Variants in KRT9 observed in about 807,000 individuals in gnomAD.
KRT9 encodes keratin 9, also known as keratin, type I cytoskeletal 9.
KRT9 carries 34 observed loss-of-function variants against 51.4 expected under a neutral mutation model. That is an observed-to-expected ratio of 0.66 (90% CI 0.50 to 0.88). KRT9 has a LOEUF of 0.88. KRT9 is among the 40% of genes least tolerant of loss of function. The pLI is 0.00. For missense variants in KRT9, 753 were observed against 790.3 expected (o/e 0.95, Z 0.57); for synonymous variants, 292 against 289.7 (o/e 1.01, Z -0.08).
rs1906996141 is a variant in KRT9 at position 41,569,451 on chromosome 17, T to C, written c.1019A>G (p.Asp340Gly). 1 of 1,613,998 alleles carries C rather than the reference T, an allele frequency of 6.2e-7. No homozygotes were observed. Among genetic ancestry groups the C allele is most frequent in the Non-Finnish European group, 8.5e-7 (1 of 1,180,024 alleles). Residue 340 changes from aspartate (D) to glycine (G), a missense_variant, in exon 4 of 8, where the codon GAC becomes GGC. Physicochemically the swap from Asp to Gly is moderately conservative, Grantham distance 94. Transcript: ENST00000246662. ...YEQLIAKNRKDIENQYETQIT... is the reference protein window; with the variant it reads ...YEQLIAKNRKGIENQYETQIT... ...CTGAGTCTCATATTGATTCTCGATG[T>C]CCTTTCTGTTCTTAGCAATGAGCTG...
At chr17:41,569,356 G>C in intron 4 of KRT9, 70 bp downstream of exon 4, 1 of 1,445,904 alleles carries the variant, frequency 6.9e-7, no homozygotes, top group African/African-American at 1.4e-5. Flanking sequence ...TGAAGGAATG[G>C]GAGGTGGGAG....
Position 41,571,685 on chromosome 17 carries a change from C to T in KRT9, c.308G>A (p.Gly103Glu), listed in dbSNP as rs1567733322. 1 of 1,606,056 alleles carries T rather than the reference C, an allele frequency of 6.2e-7. No homozygotes were observed. Among genetic ancestry groups the T allele is most frequent in the East Asian group, 2.3e-5 (1 of 44,072 alleles). ...GSRGFGGASG[G>E]GYSSSGGFGG... ...AAAACCCCCAGAACTACTATAGCCTCCTCCAGAAGCACCACCAAAACCTCT... is the reference window on the plus strand; with the variant it reads ...AAAACCCCCAGAACTACTATAGCCTTCTCCAGAAGCACCACCAAAACCTCT... The change falls in exon 1 of 8, where the codon GGA becomes GAA. Residue 103 changes from glycine to glutamate, a missense_variant. Coordinates refer to ENST00000246662, the MANE Select transcript of KRT9 (RefSeq NM_000226.4).
chr17:41,569,359 G>A, intron 4 of KRT9, 67 bp downstream of exon 4: 1 of 1,468,070 alleles, frequency 6.8e-7, no homozygotes, highest in Non-Finnish European at 9.4e-7. Context: ...AGGAATGGGA[G>A]GTGGGAGGGA....
At position 41,568,543 on chromosome 17, in the gene KRT9, C is replaced by G; in HGVS notation, c.1135G>C (p.Glu379Gln). 6.2e-7 allele frequency: 1 copy of G among 1,614,192 alleles called. No individual in the cohort carries two copies. Among genetic ancestry groups the G allele is most frequent in the Non-Finnish European group, 8.5e-7 (1 of 1,180,028 alleles). Residue 379 changes from glutamate (E) to glutamine (Q), a missense_variant, in exon 5 of 8, where the codon GAG becomes CAG. Glu to Gln is a conservative substitution (Grantham distance 29, BLOSUM62 2). Coordinates refer to ENST00000246662, the MANE Select transcript of KRT9 (RefSeq NM_000226.4). ...EVTQLRHGVQ[E>Q]LEIELQSQLS... ...TGAGACTGCAGCTCAATCTCCAACT[C>G]CTGGACACCGTGCCGGAGCTGGGTC...
At position 41,568,581 on chromosome 17, in the gene KRT9, C is replaced by G; in HGVS notation, c.1097G>C (p.Ser366Thr). The stretch of plus-strand genomic sequence containing the variant: ...CCGGAGCTGGGTCACCTCCTTGGCA[C>G]TGGACTGCACCTCCTGACCACTACT... ...VSSSGQEVQS[S>T]AKEVTQLRHG... Residue 366 changes from serine (S) to threonine (T), a missense_variant, in exon 5 of 8, where the codon AGT (serine) becomes ACT (threonine). Coordinates refer to ENST00000246662, the MANE Select transcript of KRT9 (RefSeq NM_000226.4). The G allele has an allele frequency of 6.2e-7, 1 of 1,614,158 alleles. No individual in the cohort carries two copies. Among genetic ancestry groups the G allele is most frequent in the South Asian group, 1.1e-5 (1 of 91,074 alleles).
intron 4 of KRT9, among the ~76,000 whole-genome samples, chr17:41,568,848 G>A (rs977928417): frequency 2.0e-5 from 3 of 150,592 alleles, no homozygotes; most frequent in Non-Finnish European, 3.0e-5. Context: ...GACCCTTCAC[G>A]CTTTGTCTCA....
At chr17:41,569,180 C>T (rs1053329940) in intron 4 of KRT9, among the ~76,000 whole-genome samples, 5 of 152,242 alleles carry the variant, frequency 3.3e-5, no homozygotes, top group African/African-American at 1.2e-4. Context: ...TTGTTTGGCT[C>T]ATATCAGACA....
chr17:41,566,785 C>A (rs1261764736), intron 7 of KRT9, among the ~76,000 whole-genome samples: 1 of 152,204 alleles, frequency 6.6e-6, no homozygotes, highest in African/African-American at 2.4e-5. Context: ...ATCCCTGAGT[C>A]TCTTTTCCAC....
intron 1 of KRT9, 108 bp downstream of exon 1, chr17:41,571,243 T>G (rs1365892562): frequency 1.9e-6 from 2 of 1,030,218 alleles, no homozygotes; most frequent in Admixed American, 3.4e-5. Context: ...TTCCAAAAGG[T>G]GGATTCCCTG....
In KRT9 at chr17:41,570,202, C is replaced by T; in HGVS notation, c.661G>A (p.Gly221Ser). 1.9e-6 allele frequency: 3 copies of T among 1,613,956 alleles called. No homozygotes were observed. Among genetic ancestry groups the T allele is most frequent in the Non-Finnish European group, 2.5e-6 (3 of 1,179,948 alleles). Reference protein sequence around the residue: ...LKDQIVDLTVGNNKTLLDIDN... With the variant: ...LKDQIVDLTVSNNKTLLDIDN... ...ATGTCCAGGAGAGTTTTGTTGTTGC[C>T]CACTGTCAGGTCCACAATCTGAAAA... Residue 221 changes from glycine to serine, a missense_variant, in exon 2 of 8, where the codon GGC (glycine) becomes AGC (serine). This residue lies in a region of KRT9 where 507 missense variants were observed against 563.7 expected (regional missense o/e 0.90). Coordinates refer to ENST00000246662, the MANE Select transcript of KRT9 (RefSeq NM_000226.4).
rs116077803 is a variant in KRT9, at chr17:41,571,951, G to A, written c.42C>T (p.Ser14=). 0.012 allele frequency: 18,868 copies of A among 1,584,034 alleles called. 231 individuals are homozygous for A. The highest frequency in any genetic ancestry group is 0.066 in the Admixed American group (3,693 of 56,158). ...RQFSSSYLSR[S]GGGGGGGLGS... ...CCAGGCCGCCCCCGCCACCCCCGCC[G>A]CTGCGGCTCAAGTAGGACGAGGAGA... The change falls in exon 1 of 8, where the codon AGC becomes AGT. Residue 14 remains serine (S), a synonymous_variant. Coordinates refer to ENST00000246662, the MANE Select transcript of KRT9 (RefSeq NM_000226.4).
At chr17:41,566,606 T>C (rs1953283187) in intron 7 of KRT9, among the ~76,000 whole-genome samples, 1 of 152,248 alleles carries the variant, frequency 6.6e-6, no homozygotes, top group Non-Finnish European at 1.5e-5. Flanking sequence ...AGGCTTTTCC[T>C]ATAATTTCAT....
rs999221822 is a variant in KRT9, at chr17:41,567,887, C to T, written c.1395-137G>A. 57 of 1,510,400 alleles carry T rather than the reference C, an allele frequency of 3.8e-5. No homozygotes were observed. In the African/African-American group the frequency reaches 5.0e-4, roughly 13 times the overall value. 93.6% of individuals were successfully genotyped at this position (1,510,400 alleles called of 1,614,324 possible). On this transcript the variant is annotated intron_variant, in intron 6 of 7. Transcript: ENST00000246662. ...TGGGAGGCAGAGGACAGAGTCTGGG[C>T]GGGCACCACAGCTGGGAGAGGAGAG...
intron 4 of KRT9, 36 bp downstream of exon 4, chr17:41,569,390 G>A (rs747236077): frequency 6.2e-7 from 1 of 1,601,740 alleles, no homozygotes; most frequent in Non-Finnish European, 8.5e-7. Context: ...AATAGATGGA[G>A]GGGAGGAGGA....
At position 41,568,354 on chromosome 17, in the gene KRT9, G is replaced by A. The variant is rs780497214; in HGVS notation, c.1202C>T (p.Thr401Met). 3.9e-5 allele frequency: 63 copies of A among 1,614,030 alleles called. No homozygotes were observed. The highest frequency in any genetic ancestry group is 1.4e-4 in the South Asian group (13 of 91,086). The change falls in exon 6 of 8, where the codon ACG (threonine) becomes ATG (methionine). Residue 401 changes from threonine (T) to methionine (M), a missense_variant. Around this residue, in one of 3 missense-constraint regions of KRT9, gnomAD observed 507 missense variants for 563.7 expected, o/e 0.90. Coordinates refer to ENST00000246662, the MANE Select transcript of KRT9 (RefSeq NM_000226.4). ...KAALEKSLED[T>M]KNRYCGQLQM... Reference sequence around the variant, plus strand: ...CAGCTGGCCACAGTAGCGGTTCTTCGTGTCTTCCAAGCTCTTCTCCAGAGC... The same window carrying A: ...CAGCTGGCCACAGTAGCGGTTCTTCATGTCTTCCAAGCTCTTCTCCAGAGC...
chr17:41,569,946 G>A lies in KRT9; in HGVS notation c.795C>T (p.Asp265=), dbSNP rs1306125899. 2 of 1,614,134 alleles carry A rather than the reference G, an allele frequency of 1.2e-6. No individual in the cohort carries two copies. Among genetic ancestry groups the A allele is most frequent in the African/African-American group, 2.7e-5 (2 of 75,032 alleles). The stretch of plus-strand genomic sequence containing the variant: ...GGTCAGACTTCTCCATGGTCAGATT[G>A]TCCAGCACCTGCCGCAGGCCATTGA... ...ADINGLRQVL[D]NLTMEKSDLE... is the part of the protein sequence containing the mutation. The change falls in exon 3 of 8, where the codon GAC becomes GAT. Residue 265 remains aspartate, a synonymous_variant. Coordinates refer to ENST00000246662, the MANE Select transcript of KRT9 (RefSeq NM_000226.4).
At chr17:41,569,212 T>C (rs1906986187) in intron 4 of KRT9, among the ~76,000 whole-genome samples, 1 of 152,270 alleles carries the variant, frequency 6.6e-6, no homozygotes, top group Non-Finnish European at 1.5e-5. Flanking sequence ...GAGACATCAA[T>C]ACTTTACATA....
chr17:41,566,784 T>G (rs1022675757), intron 7 of KRT9, among the ~76,000 whole-genome samples: 1 of 152,112 alleles, frequency 6.6e-6, no homozygotes, highest in Admixed American at 6.6e-5. Flanking sequence ...AATCCCTGAG[T>G]CTCTTTTCCA....
At chr17:41,568,446 C>A in intron 5 of KRT9, 61 bp from the exon 6 acceptor site, 1 of 1,614,014 alleles carries the variant, frequency 6.2e-7, no homozygotes, top group Non-Finnish European at 8.5e-7. Context: ...TCTTCCCACT[C>A]CTGGGCTGCA....
Sources: gnomAD v4.1 joint callset for allele counts (sites outside exome capture counted in the v4.1 genomes callset) on GRCh38, gnomAD v4.1.1 for gene constraint, gnomAD v4.1.1 regional missense constraint, MANE v1.5 for transcripts, NCBI Gene and HGNC (gene_info 2026-07-23, HGNC 2026-07-21) for gene names.